The following CSMD3 variants were observed in gnomAD, a reference collection of about 807,000 sequenced individuals.
CSMD3 encodes CUB and Sushi multiple domains 3.
A neutral mutation model predicts 435.2 loss-of-function variants in CSMD3; 177 were observed. That is an observed-to-expected ratio of 0.41 (90% CI 0.36 to 0.46). The LOEUF (loss-of-function observed/expected upper bound fraction) is 0.46, where lower values mean the gene tolerates loss of function less well. Ranked by LOEUF, CSMD3 falls within the 20% of genes least tolerant of loss-of-function variation. CSMD3 has a pLI of 0.34. For missense variants in CSMD3, 4,265 were observed against 4,504.6 expected, an observed-to-expected ratio of 0.95 and a Z score of 1.52; for synonymous variants, 1,656 against 1,520.5, an observed-to-expected ratio of 1.09 and a Z score of -2.07.
chr8:112,289,149 A>G (rs576812732), intron 57 of CSMD3, among the ~76,000 whole-genome samples: 12 of 152,170 alleles, frequency 7.9e-5, no homozygotes, highest in Middle Eastern at 6.8e-3. Flanking sequence ...TCAAAACACA[A>G]ACTTGTAATT....
chr8:113,203,809 G>A (rs2092740067), intron 3 of CSMD3, among the ~76,000 whole-genome samples: 1 of 151,818 alleles, frequency 6.6e-6, no homozygotes. Context: ...TTTTAAACAT[G>A]TACTATTAAA....
chr8:112,449,862 A>C (rs928504554), intron 32 of CSMD3, among the ~76,000 whole-genome samples: 4 of 152,108 alleles, frequency 2.6e-5, no homozygotes, highest in Admixed American at 6.5e-5. Flanking sequence ...AGCTGGGCTT[A>C]CAGGCACCCG....
chr8:112,669,039 C>A (rs1563833132), intron 16 of CSMD3, among the ~76,000 whole-genome samples: 1 of 148,210 alleles, frequency 6.7e-6, no homozygotes, highest in African/African-American at 2.5e-5. Context: ...TGTATTTATT[C>A]TTTTTTTTTT....
chr8:112,805,520 A>ATAT (rs761669009), intron 12 of CSMD3, among the ~76,000 whole-genome samples: 4 of 152,240 alleles, frequency 2.6e-5, no homozygotes, highest in Non-Finnish European at 5.9e-5. Context: ...TCACCCTGTA[A>ATAT]TATTAATACT....
At chr8:112,708,111 T>C (rs1399320286) in intron 13 of CSMD3, among the ~76,000 whole-genome samples, 1 of 152,126 alleles carries the variant, frequency 6.6e-6, no homozygotes, top group Non-Finnish European at 1.5e-5. Flanking sequence ...GAAAAAGTTA[T>C]TTTCATGTTG....
At chr8:112,266,470 A>G (rs752721379) in intron 59 of CSMD3, among the ~76,000 whole-genome samples, 4 of 152,212 alleles carry the variant, frequency 2.6e-5, no homozygotes, top group Admixed American at 6.5e-5. Flanking sequence ...CCCTCAGAAT[A>G]TGCTGCACTG....
intron 1 of CSMD3, among the ~76,000 whole-genome samples, chr8:113,426,579 C>T (rs913950705): frequency 2.0e-5 from 3 of 150,664 alleles, no homozygotes; most frequent in Non-Finnish European, 3.0e-5. Context: ...AATAACAAAA[C>T]ACAGCTGTAA....
intron 31 of CSMD3, among the ~76,000 whole-genome samples, chr8:112,487,618 T>A (rs1039354551): frequency 6.6e-6 from 1 of 152,150 alleles, no homozygotes; most frequent in Non-Finnish European, 1.5e-5. Context: ...ATCACTCTAT[T>A]GTGTTTGGAA....
chr8:112,428,047 C>G (rs1038031847), intron 32 of CSMD3, among the ~76,000 whole-genome samples: 1 of 152,144 alleles, frequency 6.6e-6, no homozygotes, highest in Non-Finnish European at 1.5e-5. Flanking sequence ...CACATTTCCC[C>G]CAGCTATTTC....
At chr8:112,666,251 A>T (rs2131706569) in intron 17 of CSMD3, 26 bp downstream of exon 17, 1 of 1,568,602 alleles carries the variant, frequency 6.4e-7, no homozygotes, top group Non-Finnish European at 8.8e-7. Flanking sequence ...TATTTTCTTT[A>T]AAAGTAGGAA....
At chr8:112,472,449 C>T (rs552143474) in intron 32 of CSMD3, 142 bp downstream of exon 32, 41 of 655,766 alleles carry the variant, frequency 6.3e-5, no homozygotes, top group Non-Finnish European at 9.7e-5. Flanking sequence ...TGTATTATTA[C>T]AAAATCACTA....
chr8:112,407,043 G>A (rs940747832), intron 34 of CSMD3, among the ~76,000 whole-genome samples: 1 of 151,836 alleles, frequency 6.6e-6, no homozygotes, highest in Non-Finnish European at 1.5e-5. Flanking sequence ...TTTGTGGGAT[G>A]AAAACTGAAA....
At position 112,383,602 on chromosome 8, in the gene CSMD3, C is replaced by T. The variant is rs1391339691; in HGVS notation, c.5996G>A (p.Gly1999Glu). 1 of 1,605,986 alleles carries T rather than the reference C, an allele frequency of 6.2e-7. No individual in the cohort carries two copies. The highest frequency in any genetic ancestry group is 8.5e-7 in the Non-Finnish European group (1 of 1,172,786). ...NWDSLDFYDG[G>E]DNNAPRLGSY... ...TCCAAGTCTTGGAGCATTGTTGTCT[C>T]CCCCATCATAAAAGTCCAGAGAATC... The change falls in exon 37 of 71, where the codon GGA becomes GAA. Residue 1999 changes from glycine to glutamate, a missense_variant. Coordinates refer to ENST00000297405, the MANE Select transcript of CSMD3 (RefSeq NM_198123.2).
At chr8:112,635,812 T>C (rs559159902) in intron 22 of CSMD3, among the ~76,000 whole-genome samples, 4 of 152,260 alleles carry the variant, frequency 2.6e-5, no homozygotes, top group Non-Finnish European at 5.9e-5. Flanking sequence ...ATATAACTTC[T>C]TCAATCTCAT....
intron 2 of CSMD3, among the ~76,000 whole-genome samples, chr8:113,295,528 A>G (rs1418264488): frequency 1.3e-5 from 2 of 152,228 alleles, no homozygotes; most frequent in African/African-American, 4.8e-5. Flanking sequence ...AGAATGATAT[A>G]AAATAAAGTT....
chr8:113,186,739 T>C (rs564533553), intron 3 of CSMD3, among the ~76,000 whole-genome samples: 1 of 152,116 alleles, frequency 6.6e-6, no homozygotes, highest in East Asian at 2.0e-4. Context: ...CAAGATCATT[T>C]TACACCCTGT....
intron 6 of CSMD3, among the ~76,000 whole-genome samples, chr8:113,003,045 G>T (rs1587862747): frequency 6.6e-6 from 1 of 151,976 alleles, no homozygotes; most frequent in Admixed American, 6.6e-5. Flanking sequence ...TTCAAGACAG[G>T]CCTGATCAAT....
chr8:113,066,464 A>G (rs186869262), intron 5 of CSMD3, among the ~76,000 whole-genome samples: 373 of 152,240 alleles, frequency 2.5e-3, no homozygotes, highest in African/African-American at 8.6e-3. Flanking sequence ...GAATAATTCT[A>G]AAGATTTGTT....
intron 1 of CSMD3, among the ~76,000 whole-genome samples, chr8:113,393,175 A>T (rs1021142405): frequency 3.9e-5 from 6 of 151,938 alleles, no homozygotes; most frequent in African/African-American, 1.4e-4. Flanking sequence ...CCTATACTTT[A>T]TTACTGTACA....
Sources: gnomAD v4.1 joint callset for allele counts (sites outside exome capture counted in the v4.1 genomes callset) on GRCh38, gnomAD v4.1.1 for gene constraint, MANE v1.5 for transcripts, NCBI Gene and HGNC (gene_info 2026-07-23, HGNC 2026-07-21) for gene names.